The following EYA2 variants were observed in gnomAD, a reference collection of about 807,000 sequenced individuals.
EYA2 encodes protein phosphatase EYA2.
In EYA2, 31 loss-of-function variants were observed where a neutral mutation model predicts 69.2. The observed-to-expected ratio is 0.45, with a 90% CI of 0.34 to 0.60. EYA2 has a LOEUF of 0.60. EYA2 is among the 20% of genes least tolerant of loss of function. The pLI, the probability that EYA2 is intolerant of heterozygous loss-of-function variation, is 0.02. For synonymous variants in EYA2, 257 were observed against 279.4 expected, an observed-to-expected ratio of 0.92 and a Z score of 0.80; for missense variants, 622 against 701.2, an observed-to-expected ratio of 0.89 and a Z score of 1.28.
At chr20:46,975,589 A>G (rs1980408275) in intron 1 of EYA2, among the ~76,000 whole-genome samples, 3 of 152,208 alleles carry the variant, frequency 2.0e-5, no homozygotes, top group Admixed American at 2.0e-4. Flanking sequence ...GATTGACCAA[A>G]TGATGGGCCC....
At chr20:46,971,915 C>T (rs558288608) in intron 1 of EYA2, among the ~76,000 whole-genome samples, 1 of 152,256 alleles carries the variant, frequency 6.6e-6, no homozygotes, top group African/African-American at 2.4e-5. Context: ...TTATTAGATG[C>T]TAAGGACACA....
At chr20:47,008,711 C>T (rs1368420111) in intron 4 of EYA2, among the ~76,000 whole-genome samples, 2 of 152,170 alleles carry the variant, frequency 1.3e-5, no homozygotes, top group Non-Finnish European at 2.9e-5. Flanking sequence ...AGCACATGTC[C>T]TGGAATTCTG....
chr20:47,002,407 C>T (rs933975656), intron 3 of EYA2, among the ~76,000 whole-genome samples: 1 of 152,132 alleles, frequency 6.6e-6, no homozygotes, highest in African/African-American at 2.4e-5. Context: ...CTCCCTGTGT[C>T]CATGTGTTCT....
chr20:46,895,740 T>A (rs562621694), intron 1 of EYA2, among the ~76,000 whole-genome samples: 1 of 152,338 alleles, frequency 6.6e-6, no homozygotes, highest in Non-Finnish European at 1.5e-5. Context: ...TCCTTCAATA[T>A]ATTCCTGCCT....
At chr20:46,963,219 T>G (rs1979579171) in intron 1 of EYA2, among the ~76,000 whole-genome samples, 1 of 152,232 alleles carries the variant, frequency 6.6e-6, no homozygotes, top group Non-Finnish European at 1.5e-5. Flanking sequence ...CTGCTTGCCC[T>G]GGAATCCTTG....
chr20:47,167,249 T>C (rs2034217606), intron 10 of EYA2, among the ~76,000 whole-genome samples: 1 of 151,168 alleles, frequency 6.6e-6, no homozygotes, highest in Non-Finnish European at 1.5e-5. Flanking sequence ...GTTCTGGAGG[T>C]CAGGCTCTGA....
intron 1 of EYA2, among the ~76,000 whole-genome samples, chr20:46,943,711 G>A (rs1395624532): frequency 6.6e-6 from 1 of 152,202 alleles, no homozygotes; most frequent in Non-Finnish European, 1.5e-5. Context: ...AAAACGTGCA[G>A]AAGGAAGCTA....
chr20:47,150,699 T>C (rs1458593928), intron 10 of EYA2, among the ~76,000 whole-genome samples: 3 of 151,994 alleles, frequency 2.0e-5, no homozygotes, highest in Non-Finnish European at 2.9e-5. Context: ...ATTCGTAGTC[T>C]CAAGGAATCC....
At chr20:47,038,926 A>C (rs1444402661) in intron 5 of EYA2, among the ~76,000 whole-genome samples, 2 of 152,144 alleles carry the variant, frequency 1.3e-5, no homozygotes, top group African/African-American at 4.8e-5. Flanking sequence ...CAAACAAAAA[A>C]ACATTGATCT....
At chr20:47,138,543 A>C (rs1367208050) in intron 9 of EYA2, among the ~76,000 whole-genome samples, 1 of 152,066 alleles carries the variant, frequency 6.6e-6, no homozygotes, top group Non-Finnish European at 1.5e-5. Context: ...TGAGCTCAGG[A>C]GTTTGAGACC....
chr20:47,040,882 T>G (rs956309840), intron 5 of EYA2, among the ~76,000 whole-genome samples: 1 of 152,220 alleles, frequency 6.6e-6, no homozygotes, highest in African/African-American at 2.4e-5. Flanking sequence ...CCACTGTGAC[T>G]TAGGGCTTAT....
chr20:47,181,918 A>T (rs998812523), intron 14 of EYA2, among the ~76,000 whole-genome samples: 5 of 152,134 alleles, frequency 3.3e-5, no homozygotes, highest in Non-Finnish European at 5.9e-5. Context: ...TGCATACCTC[A>T]AGTACCTTTG....
chr20:47,044,365 A>G (rs1376576145), intron 5 of EYA2, among the ~76,000 whole-genome samples: 1 of 152,206 alleles, frequency 6.6e-6, no homozygotes, highest in East Asian at 1.9e-4. Flanking sequence ...GCATTGTTCC[A>G]GGCACTAGAG....
At chr20:47,131,178 A>G (rs1413028026) in intron 9 of EYA2, among the ~76,000 whole-genome samples, 1 of 152,224 alleles carries the variant, frequency 6.6e-6, no homozygotes, top group Non-Finnish European at 1.5e-5. Flanking sequence ...GTTTTTCACA[A>G]CGTGAGTGTT....
chr20:46,993,093 CT>C (rs1351125905), intron 2 of EYA2, among the ~76,000 whole-genome samples: 1 of 152,196 alleles, frequency 6.6e-6, no homozygotes, highest in Non-Finnish European at 1.5e-5. Flanking sequence ...ATTCCCACCT[CT>C]GCTTCTTACC....
intron 1 of EYA2, among the ~76,000 whole-genome samples, chr20:46,904,017 T>C (rs1409930247): frequency 1.3e-5 from 2 of 152,176 alleles, no homozygotes; most frequent in African/African-American, 4.8e-5. Context: ...TATTGATCAG[T>C]TGAGTCATTT....
intron 5 of EYA2, among the ~76,000 whole-genome samples, chr20:47,022,985 C>T (rs1345203952): frequency 6.6e-6 from 1 of 152,002 alleles, no homozygotes; most frequent in Non-Finnish European, 1.5e-5. Flanking sequence ...GCAAAGAAAC[C>T]CCATGTCCAT....
chr20:47,015,122 A>G (rs1369957648), intron 4 of EYA2, among the ~76,000 whole-genome samples: 1 of 152,188 alleles, frequency 6.6e-6, no homozygotes, highest in Non-Finnish European at 1.5e-5. Context: ...CTGGAAGTGA[A>G]TTGTGTTCCA....
Position 47,023,634 on chromosome 20 carries a change from T to G in EYA2, c.415+7337T>G, listed in dbSNP as rs980098220. 3.3e-3 allele frequency among the ~76,000 whole-genome samples: 281 copies of G among 84,552 alleles called. 1 individual carries two copies. Among genetic ancestry groups the G allele is most frequent in the East Asian group, 0.017 (32 of 1,924 alleles). The allele number at this position is 84,552 out of a possible 152,430, so 55.5% of individuals were successfully genotyped here. A position where few individuals can be genotyped will look rare whatever the true frequency, so the allele number is the denominator to read the frequency against. On this transcript the variant is annotated intron_variant, in intron 5 of 15. Coordinates refer to ENST00000327619, the MANE Select transcript of EYA2 (RefSeq NM_005244.5). ...TCTCCAGAAGTTTGATTTTGGGTGT[T>G]TTTTTTTTTTTTTTTTTTTTGAAGA... is the stretch of plus-strand genomic sequence containing the variant.
Sources: gnomAD v4.1 joint callset for allele counts (sites outside exome capture counted in the v4.1 genomes callset) on GRCh38, gnomAD v4.1.1 for gene constraint, MANE v1.5 for transcripts, NCBI Gene and HGNC (gene_info 2026-07-23, HGNC 2026-07-21) for gene names.